Variants in LMBR1 observed in about 807,000 individuals in gnomAD.
The protein encoded by LMBR1 is limb development membrane protein 1, also known as limb region 1 protein homolog.
A neutral mutation model predicts 73.9 loss-of-function variants in LMBR1; 52 were observed. The ratio of observed to expected loss-of-function variants is 0.70; its 90% confidence interval spans 0.56 to 0.89. The LOEUF (loss-of-function observed/expected upper bound fraction) is 0.89, where lower values mean the gene tolerates loss of function less well. Ranked by LOEUF, LMBR1 falls within the 40% of genes least tolerant of loss-of-function variation. The pLI, the probability that LMBR1 is intolerant of heterozygous loss-of-function variation, is 0.00. For missense variants in LMBR1, 539 were observed against 579.8 expected (o/e 0.93, Z 0.72); for synonymous variants, 215 against 209.4 (o/e 1.03, Z -0.23).
Position 156,727,984 on chromosome 7 carries a change from A to T in LMBR1, c.939T>A (p.Ala313=). The change falls in exon 12 of 17, where the codon GCT becomes GCA. Residue 313 remains alanine (A), a synonymous_variant. Coordinates refer to ENST00000353442, the MANE Select transcript of LMBR1 (RefSeq NM_022458.4). Reference sequence around the variant, plus strand: ...CAACCAATAGGCAAAGAATATTACAAGCCACCAAGAGGACCGAGATGGACT... The same window carrying T: ...CAACCAATAGGCAAAGAATATTACATGCCACCAAGAGGACCGAGATGGACT... ...IETSISVLLV[A]CNILCLLVDE... 2 of 1,613,400 alleles carry T rather than the reference A, an allele frequency of 1.2e-6. No homozygotes were observed. Among genetic ancestry groups the T allele is most frequent in the Non-Finnish European group, 1.7e-6 (2 of 1,179,670 alleles).
chr7:156,791,884 T>C lies in LMBR1; in HGVS notation c.423+4505A>G, dbSNP rs76511713. Among the ~76,000 whole-genome samples the C allele has an allele frequency of 1.5e-3, 232 of 152,330 alleles. No individual in the cohort carries two copies. The highest frequency in any genetic ancestry group is 4.8e-3 in the African/African-American group (198 of 41,576). On this transcript the variant is annotated intron_variant, in intron 5 of 16. Transcript: ENST00000353442. ...ACATAGGCATTAAAGTTAAGTACAATAGAAATTTACTCCCAGAAAAATCTT... is the reference window on the plus strand; with the variant it reads ...ACATAGGCATTAAAGTTAAGTACAACAGAAATTTACTCCCAGAAAAATCTT...
In LMBR1 at chr7:156,725,882, A is replaced by T. The variant is rs201687274; in HGVS notation, c.994-45T>A. Reference sequence around the variant, plus strand: ...CTTTTCAGAATTTGATGACACCATTATATTGGTTTCCCTAAAACAGCTGTT... The same window carrying T: ...CTTTTCAGAATTTGATGACACCATTTTATTGGTTTCCCTAAAACAGCTGTT... On this transcript the variant is annotated intron_variant, in intron 12 of 16. Transcript: ENST00000353442. 8.2e-6 allele frequency: 12 copies of T among 1,459,904 alleles called. No individual in the cohort carries two copies. In the African/African-American group the frequency reaches 9.9e-5, roughly 12 times the overall value. 90.4% of individuals were successfully genotyped at this position (1,459,904 alleles called of 1,614,324 possible). A position where few individuals can be genotyped will look rare whatever the true frequency, so the allele number is the denominator to read the frequency against.
At chr7:156,838,859 G>A (rs187537166) in intron 1 of LMBR1, among the ~76,000 whole-genome samples, 4 of 151,914 alleles carry the variant, frequency 2.6e-5, no homozygotes, top group African/African-American at 7.3e-5. Context: ...TTCCCTTCTC[G>A]CCACATCTTC....
downstream of LMBR1, chr7:156,675,829 T>TGG (rs1399555256): frequency 6.2e-7 from 1 of 1,613,854 alleles, no homozygotes; most frequent in African/African-American, 1.3e-5. Context: ...GGCCATGAGA[T>TGG]CACAGAAGAG....
chr7:156,759,676 A>C (rs1822601337), intron 8 of LMBR1, among the ~76,000 whole-genome samples: 1 of 152,228 alleles, frequency 6.6e-6, no homozygotes, highest in South Asian at 2.1e-4. Context: ...TAATGTTAGA[A>C]ATGCAAAATG....
In LMBR1 at chr7:156,817,492, C is replaced by CAG. The variant is rs72370655; in HGVS notation, c.319+9111_319+9112dup. On this transcript the variant is annotated intron_variant, in intron 4 of 16. Coordinates refer to ENST00000353442, the MANE Select transcript of LMBR1 (RefSeq NM_022458.4). Reference sequence around the variant, plus strand: ...ACTGTTGATTTGGGGTAAAAAGAGACAGAGAGAGAGAGAGAGAGAGAGACA... The same window carrying CAG: ...ACTGTTGATTTGGGGTAAAAAGAGACAGAGAGAGAGAGAGAGAGAGAGAGACA... 5.8e-3 allele frequency among the ~76,000 whole-genome samples: 856 copies of CAG among 146,924 alleles called. 9 individuals are homozygous for CAG. The highest frequency in any genetic ancestry group is 0.035 in the East Asian group (174 of 4,970).
At chr7:156,772,864 G>GGGGAGGGGAA (rs1341303189) in intron 5 of LMBR1, among the ~76,000 whole-genome samples, 106 of 151,856 alleles carry the variant, frequency 7.0e-4, no homozygotes, top group Non-Finnish European at 1.3e-3. Flanking sequence ...GAGGAGGGGA[G>GGGGAGGGGAA]GGGAGGGGAA....
chr7:156,762,353 AC>A (rs1293274062), intron 7 of LMBR1, among the ~76,000 whole-genome samples, 155 bp from the exon 8 acceptor site: 5 of 152,134 alleles, frequency 3.3e-5, no homozygotes, highest in African/African-American at 1.2e-4. Context: ...TTGTCAGAGA[AC>A]TCTTCACCAT....
In LMBR1 at chr7:156,727,243, G is replaced by A. The variant is rs186777700; in HGVS notation, c.993+687C>T. ...AGAGAAGCCATGTAGGAAGGATTAA[G>A]AGTATCTAATTTTTTTACACAATTA... On this transcript the variant is annotated intron_variant, in intron 12 of 16. Transcript: ENST00000353442. Among the ~76,000 whole-genome samples, 914 of 152,258 alleles carry A rather than the reference G, an allele frequency of 6.0e-3. 7 individuals are homozygous for A. The highest frequency in any genetic ancestry group is 0.019 in the South Asian group (90 of 4,818).
chr7:156,775,421 A>T (rs1825946273), intron 5 of LMBR1, among the ~76,000 whole-genome samples: 1 of 152,206 alleles, frequency 6.6e-6, no homozygotes, highest in Admixed American at 6.5e-5. Context: ...CAAATATTTT[A>T]AAAGATCACA....
rs1008751505 is a variant in LMBR1, at chr7:156,800,762, C to T, written c.320-4270G>A. Among the ~76,000 whole-genome samples, 13 of 152,252 alleles carry T rather than the reference C, an allele frequency of 8.5e-5. No homozygotes were observed. In the South Asian group the frequency reaches 2.5e-3, roughly 29 times the overall value. Reference sequence around the variant, plus strand: ...TGGAAAGGATGCACCATTCTAGATGCCATTAAGAATATCTGTGATTCATGG... The same window carrying T: ...TGGAAAGGATGCACCATTCTAGATGTCATTAAGAATATCTGTGATTCATGG... On this transcript the variant is annotated intron_variant, in intron 4 of 16. Coordinates refer to ENST00000353442, the MANE Select transcript of LMBR1 (RefSeq NM_022458.4).
At chr7:156,820,155 G>GT (rs1415310959) in intron 4 of LMBR1, among the ~76,000 whole-genome samples, 1 of 152,140 alleles carries the variant, frequency 6.6e-6, no homozygotes, top group African/African-American at 2.4e-5. Context: ...TAACTAGGTG[G>GT]TGAGTCCAAT....
chr7:156,706,958 C>T (rs777659159), intron 15 of LMBR1, among the ~76,000 whole-genome samples: 3 of 148,260 alleles, frequency 2.0e-5, no homozygotes, highest in South Asian at 2.1e-4. Flanking sequence ...GTTGGTTCTT[C>T]GAGAAAATAA....
Position 156,670,710 on chromosome 7 carries a change from G to A in LMBR1, n.867-1423C>T, listed in dbSNP as rs1212977307. ...GTGAGATGGCATCTCCGTGTGTCGG[G>A]AGAGACCTAACCGCCAGTCTAGACT... On this transcript the variant is annotated intron_variant and non_coding_transcript_variant, in intron 4 of 4. Transcript: ENST00000430825. The surrounding 1 kb of genome is among the most constrained non-coding windows in gnomAD (Gnocchi z 4.3). Among the ~76,000 whole-genome samples the A allele has an allele frequency of 6.6e-6, 1 of 152,158 alleles. No individual in the cohort carries two copies. Among genetic ancestry groups the A allele is most frequent in the Non-Finnish European group, 1.5e-5 (1 of 68,014 alleles).
intron 10 of LMBR1, among the ~76,000 whole-genome samples, chr7:156,731,377 C>T (rs1012265614): frequency 2.0e-5 from 3 of 151,994 alleles, no homozygotes; most frequent in African/African-American, 7.3e-5. Flanking sequence ...AAGATTTTCC[C>T]AAATAGATAA....
At chr7:156,883,175 CA>C (rs928453490) in intron 1 of LMBR1, among the ~76,000 whole-genome samples, 10 of 152,216 alleles carry the variant, frequency 6.6e-5, no homozygotes, top group African/African-American at 2.4e-4. Context: ...CCAAGGCAGG[CA>C]GATCACCTGA....
intron 16 of LMBR1, among the ~76,000 whole-genome samples, chr7:156,686,114 G>A (rs1805955161): frequency 6.6e-6 from 1 of 152,138 alleles, no homozygotes; most frequent in Non-Finnish European, 1.5e-5. Flanking sequence ...GAAGACAGAG[G>A]ATCACTGCGG....
chr7:156,846,126 T>A (rs932787343), intron 1 of LMBR1, among the ~76,000 whole-genome samples: 7 of 152,056 alleles, frequency 4.6e-5, no homozygotes, highest in South Asian at 2.1e-4. Flanking sequence ...TACAATTTTT[T>A]AAAAATTAGC....
chr7:156,673,105 A>G (rs541677217), downstream of LMBR1, among the ~76,000 whole-genome samples: 1 of 152,364 alleles, frequency 6.6e-6, no homozygotes, highest in Admixed American at 6.5e-5. Flanking sequence ...CGATCATTTC[A>G]TTCAATTGAT....
Sources: gnomAD v4.1 joint callset for allele counts (sites outside exome capture counted in the v4.1 genomes callset) on GRCh38, gnomAD v4.1.1 for gene constraint, Gnocchi (gnomAD v3.1) non-coding constraint, MANE v1.5 for transcripts, NCBI Gene and HGNC (gene_info 2026-07-23, HGNC 2026-07-21) for gene names.